Variants in ANKS1B observed in about 807,000 individuals in gnomAD.
ANKS1B encodes ankyrin repeat and sterile alpha motif domain containing 1B.
Under a neutral mutation model 148.3 loss-of-function variants are expected in ANKS1B, and 36 were observed. The ratio of observed to expected loss-of-function variants is 0.24; its 90% CI spans 0.19 to 0.32. The LOEUF (loss-of-function observed/expected upper bound fraction) is 0.32, where lower values mean the gene tolerates loss of function less well. ANKS1B is among the 10% of genes least tolerant of loss of function. ANKS1B has a pLI of 1.00. For synonymous variants in ANKS1B, 542 were observed against 560.8 expected (o/e 0.97, Z 0.47); for missense variants, 1,157 against 1,542.6 (o/e 0.75, Z 4.19).
rs774905244 is a variant in ANKS1B, at chr12:98,773,164, G to C, written c.3457C>G (p.His1153Asp). The part of the protein sequence containing the change: ...DATNKNIIAE[H>D]EIRNISCAAQ... ...GCACAGGAGATATTACGAATTTCAT[G>C]CTCAGCAATTATGTTCTGGAAGAAA... The change falls in exon 25 of 27, where the codon CAT becomes GAT. Residue 1153 changes from histidine to aspartate, a missense_variant. Physicochemically the swap from His to Asp is moderately conservative, Grantham distance 81. Coordinates refer to ENST00000683438, the MANE Select transcript of ANKS1B (RefSeq NM_001352186.2). 6.2e-7 allele frequency: 1 copy of C among 1,609,794 alleles called. No individual in the cohort carries two copies. Among genetic ancestry groups the C allele is most frequent in the Non-Finnish European group, 8.5e-7 (1 of 1,178,390 alleles).
chr12:98,872,059 G>A (rs2152395819), intron 17 of ANKS1B, among the ~76,000 whole-genome samples: 1 of 152,296 alleles, frequency 6.6e-6, no homozygotes, highest in Admixed American at 6.5e-5. Context: ...GCAGATAAGA[G>A]CTCATCATAT....
chr12:99,706,340 T>G (rs2055768323), intron 8 of ANKS1B: 1 of 151,962 alleles, frequency 6.6e-6, no homozygotes, highest in Non-Finnish European at 1.5e-5. Context: ...CTTTTTAAAA[T>G]AATAATAAAT....
chr12:99,304,357 C>T (rs540019457), intron 12 of ANKS1B, among the ~76,000 whole-genome samples: 13 of 152,176 alleles, frequency 8.5e-5, no homozygotes, highest in South Asian at 6.2e-4. Flanking sequence ...GTCTTCTTAA[C>T]GCGGTAGTTC....
intron 12 of ANKS1B, among the ~76,000 whole-genome samples, chr12:99,314,349 A>G (rs754079902): frequency 9.2e-5 from 14 of 152,226 alleles, no homozygotes; most frequent in South Asian, 4.1e-4. Context: ...TGCCCAAACT[A>G]ATTTATAGAT....
intron 14 of ANKS1B, among the ~76,000 whole-genome samples, chr12:99,187,362 G>T (rs1408377288): frequency 6.6e-6 from 1 of 152,076 alleles, no homozygotes; most frequent in Non-Finnish European, 1.5e-5. Context: ...TCCTTCATGA[G>T]AAGAACAACC....
intron 12 of ANKS1B, among the ~76,000 whole-genome samples, chr12:99,281,916 C>T (rs941039673): frequency 2.0e-5 from 3 of 152,172 alleles, no homozygotes; most frequent in Non-Finnish European, 4.4e-5. Flanking sequence ...TTGTATGATT[C>T]AGTCTAATAC....
intron 8 of ANKS1B, among the ~76,000 whole-genome samples, chr12:99,728,997 CA>C (rs2058879436): frequency 6.6e-6 from 1 of 152,074 alleles, no homozygotes; most frequent in Non-Finnish European, 1.5e-5. Context: ...ACTTGGCAAT[CA>C]AAAAATTCAT....
chr12:99,908,252 C>A (rs2093864737), intron 1 of ANKS1B, among the ~76,000 whole-genome samples: 1 of 152,068 alleles, frequency 6.6e-6, no homozygotes, highest in South Asian at 2.1e-4. Context: ...GGACAAAAAT[C>A]ATTGCTAATG....
At chr12:98,945,505 CAAAAAAAAAAA>C (rs3051086) in intron 17 of ANKS1B, among the ~76,000 whole-genome samples, 8 of 30,292 alleles carry the variant, frequency 2.6e-4, no homozygotes, top group Admixed American at 7.6e-4. Flanking sequence ...AACAAACAAA[CAAAAAAAAAAA>C]AAAAAAAAAA....
At chr12:99,326,153 G>A (rs1015724004) in intron 12 of ANKS1B, among the ~76,000 whole-genome samples, 6 of 151,972 alleles carry the variant, frequency 3.9e-5, no homozygotes, top group Admixed American at 3.9e-4. Context: ...AGACACATGG[G>A]GATTATGGGG....
At chr12:99,465,130 CCAAT>C (rs1049240325) in intron 10 of ANKS1B, among the ~76,000 whole-genome samples, 2 of 152,118 alleles carry the variant, frequency 1.3e-5, no homozygotes, top group Admixed American at 1.3e-4. Context: ...AGAGTGGGGG[CCAAT>C]ATTCAACATT....
chr12:99,662,657 T>C (rs1378898550), intron 8 of ANKS1B, among the ~76,000 whole-genome samples: 1 of 152,200 alleles, frequency 6.6e-6, no homozygotes, highest in Non-Finnish European at 1.5e-5. Flanking sequence ...ATATTCAAAA[T>C]AATGTAGAAA....
intron 8 of ANKS1B, among the ~76,000 whole-genome samples, chr12:99,678,898 A>T (rs906921414): frequency 6.6e-6 from 1 of 152,202 alleles, no homozygotes; most frequent in African/African-American, 2.4e-5. Flanking sequence ...AGAGTAGTAG[A>T]GGTAAAAATA....
chr12:99,158,329 A>G (rs1416659094), intron 14 of ANKS1B, among the ~76,000 whole-genome samples: 1 of 152,188 alleles, frequency 6.6e-6, no homozygotes, highest in Non-Finnish European at 1.5e-5. Context: ...AAGTGAGACA[A>G]GAGGAGGGAA....
intron 1 of ANKS1B, among the ~76,000 whole-genome samples, chr12:99,901,552 C>T (rs1181450634): frequency 6.6e-6 from 1 of 152,172 alleles, no homozygotes; most frequent in Non-Finnish European, 1.5e-5. Flanking sequence ...ATGTGCCCCC[C>T]AACCCTCTCC....
chr12:99,967,695 T>C (rs550549921), intron 1 of ANKS1B, among the ~76,000 whole-genome samples: 14 of 151,566 alleles, frequency 9.2e-5, no homozygotes, highest in Non-Finnish European at 1.5e-4. Context: ...GATCACAAGA[T>C]CAGGAGATCC....
At chr12:99,412,408 G>A (rs1002737899) in intron 11 of ANKS1B, among the ~76,000 whole-genome samples, 2 of 152,162 alleles carry the variant, frequency 1.3e-5, no homozygotes, top group Non-Finnish European at 2.9e-5. Flanking sequence ...AGATGCTAAG[G>A]TTCTGGTTGC....
intron 17 of ANKS1B, among the ~76,000 whole-genome samples, chr12:99,041,906 A>G (rs1316240198): frequency 6.6e-6 from 1 of 152,050 alleles, no homozygotes; most frequent in Non-Finnish European, 1.5e-5. Context: ...GAGGCTGAGA[A>G]GGGAGCACTG....
At chr12:98,987,273 TA>T (rs2153255652) in intron 17 of ANKS1B, among the ~76,000 whole-genome samples, 1 of 151,926 alleles carries the variant, frequency 6.6e-6, no homozygotes, top group East Asian at 1.9e-4. Flanking sequence ...TGAACTTCAT[TA>T]AAATTTTAAC....
Sources: gnomAD v4.1 joint callset for allele counts (sites outside exome capture counted in the v4.1 genomes callset) on GRCh38, gnomAD v4.1.1 for gene constraint, MANE v1.5 for transcripts, NCBI Gene and HGNC (gene_info 2026-07-23, HGNC 2026-07-21) for gene names.